The following ZNF804B variants were observed in gnomAD, a reference collection of about 807,000 sequenced individuals.
ZNF804B encodes the protein zinc finger protein 804B.
A neutral mutation model predicts 101.4 loss-of-function variants in ZNF804B; 80 were observed. That is an observed-to-expected ratio of 0.79 (90% CI 0.66 to 0.95). The LOEUF is 0.95. Among genes scored for constraint, ZNF804B ranks in the 40% least tolerant of loss-of-function variants. ZNF804B has a pLI of 0.00. For missense variants in ZNF804B, 1,673 were observed against 1,561.9 expected, an observed-to-expected ratio of 1.07 and a Z score of -1.20; for synonymous variants, 622 against 558.8, an observed-to-expected ratio of 1.11 and a Z score of -1.59.
intron 1 of ZNF804B, among the ~76,000 whole-genome samples, chr7:88,811,748 C>T (rs1429332273): frequency 6.6e-6 from 1 of 152,158 alleles, no homozygotes; most frequent in African/African-American, 2.4e-5. Context: ...CGTATGCTCT[C>T]ATTCATAAGT....
At chr7:89,090,810 A>G (rs1789873391) in intron 1 of ZNF804B, among the ~76,000 whole-genome samples, 1 of 152,102 alleles carries the variant, frequency 6.6e-6, no homozygotes. Context: ...ATACAGGCAC[A>G]TGTATGCAAG....
intron 1 of ZNF804B, among the ~76,000 whole-genome samples, chr7:88,989,465 C>T (rs577767521): frequency 6.6e-4 from 100 of 152,240 alleles, no homozygotes; most frequent in Non-Finnish European, 1.3e-3. Flanking sequence ...CTATACCATT[C>T]TTCTAAAGCT....
At chr7:89,023,638 A>G (rs939643675) in intron 1 of ZNF804B, among the ~76,000 whole-genome samples, 2 of 152,176 alleles carry the variant, frequency 1.3e-5, no homozygotes, top group Non-Finnish European at 2.9e-5. Context: ...ATATCACTAG[A>G]TAAAGAAAAA....
At chr7:88,990,537 A>C (rs1339859821) in intron 1 of ZNF804B, among the ~76,000 whole-genome samples, 5 of 152,048 alleles carry the variant, frequency 3.3e-5, no homozygotes, top group Non-Finnish European at 7.4e-5. Flanking sequence ...AGATCAAATA[A>C]ATTTCTAAAG....
At chr7:88,894,007 C>T (rs1025956447) in intron 1 of ZNF804B, among the ~76,000 whole-genome samples, 1 of 151,840 alleles carries the variant, frequency 6.6e-6, no homozygotes, top group African/African-American at 2.4e-5. Flanking sequence ...AGTCTATTCT[C>T]CAAAATATTA....
At chr7:89,270,987 A>G (rs904449151) in intron 2 of ZNF804B, among the ~76,000 whole-genome samples, 1 of 152,164 alleles carries the variant, frequency 6.6e-6, no homozygotes, top group Admixed American at 6.5e-5. Flanking sequence ...GGGGTTTTCT[A>G]GATATACAAT....
chr7:88,891,022 AT>A (rs1452502094), intron 1 of ZNF804B, among the ~76,000 whole-genome samples: 1 of 152,040 alleles, frequency 6.6e-6, no homozygotes, highest in Non-Finnish European at 1.5e-5. Flanking sequence ...CCTCAATAGA[AT>A]ATAGGCTTTT....
intron 1 of ZNF804B, among the ~76,000 whole-genome samples, chr7:89,215,917 A>AAATG (rs1554379505): frequency 6.6e-6 from 1 of 150,900 alleles, no homozygotes; most frequent in Non-Finnish European, 1.5e-5. Context: ...ATAAATAAAT[A>AAATG]AATAAATAAA....
chr7:89,228,111 C>A (rs1277403193), intron 2 of ZNF804B, among the ~76,000 whole-genome samples: 2 of 151,932 alleles, frequency 1.3e-5, no homozygotes, highest in African/African-American at 4.8e-5. Flanking sequence ...GGAGTTTGTT[C>A]CTTCTGATGT....
chr7:88,760,331 G>A (rs1344950802), intron 1 of ZNF804B, among the ~76,000 whole-genome samples: 2 of 152,212 alleles, frequency 1.3e-5, no homozygotes, highest in Non-Finnish European at 2.9e-5. Context: ...TGCTACGGAT[G>A]TAAATACTTA....
rs115013227 is a variant in ZNF804B, at chr7:88,811,395, C to T, written c.108+51311C>T. ...GATACGAACACTTTTACACTGTTGGCGGGCATGTAAATTAGTTCAGCTATT... is the reference window on the plus strand; with the variant it reads ...GATACGAACACTTTTACACTGTTGGTGGGCATGTAAATTAGTTCAGCTATT... On this transcript the variant is annotated intron_variant, in intron 1 of 3. Transcript: ENST00000333190. Among the ~76,000 whole-genome samples, 469 of 152,234 alleles carry T rather than the reference C, an allele frequency of 3.1e-3. 5 individuals are homozygous for T. Among genetic ancestry groups the T allele is most frequent in the African/African-American group, 0.011 (452 of 41,540 alleles).
At chr7:89,186,579 T>C (rs1216079621) in intron 1 of ZNF804B, among the ~76,000 whole-genome samples, 1 of 151,484 alleles carries the variant, frequency 6.6e-6, no homozygotes, top group African/African-American at 2.4e-5. Context: ...AGATTTTATT[T>C]TCCCCTGTAT....
chr7:88,995,231 G>T (rs552891330), intron 1 of ZNF804B, among the ~76,000 whole-genome samples: 8 of 152,040 alleles, frequency 5.3e-5, no homozygotes, highest in African/African-American at 1.9e-4. Context: ...AAATAGATAG[G>T]TCAAGGATGA....
At chr7:89,262,030 C>T (rs1272546488) in intron 2 of ZNF804B, among the ~76,000 whole-genome samples, 6 of 152,122 alleles carry the variant, frequency 3.9e-5, no homozygotes, top group East Asian at 3.9e-4. Context: ...CTAGAACTTA[C>T]GTACTCTACC....
intron 1 of ZNF804B, among the ~76,000 whole-genome samples, chr7:89,032,282 T>C (rs1034664363): frequency 3.3e-5 from 5 of 151,256 alleles, no homozygotes; most frequent in Admixed American, 2.0e-4. Flanking sequence ...GAAAACTCTT[T>C]ATAATACATT....
At chr7:88,881,704 T>A (rs577261137) in intron 1 of ZNF804B, among the ~76,000 whole-genome samples, 1 of 152,300 alleles carries the variant, frequency 6.6e-6, no homozygotes, top group South Asian at 2.1e-4. Flanking sequence ...AACTTGTTTC[T>A]TTTTCTAAAA....
At position 88,990,577 on chromosome 7, in the gene ZNF804B, A is replaced by G. The variant is rs1416073666; in HGVS notation, c.109-227578A>G. The stretch of plus-strand genomic sequence containing the variant: ...GGTTCCTCTGACGTTAATGTTCAAA[A>G]CATTTTCACCACTCTACCATATTGT... On this transcript the variant is annotated intron_variant, in intron 1 of 3. Coordinates refer to ENST00000333190, the MANE Select transcript of ZNF804B (RefSeq NM_181646.5). 6.6e-5 allele frequency among the ~76,000 whole-genome samples: 10 copies of G among 152,110 alleles called. 1 individual carries two copies. The highest frequency in any genetic ancestry group is 1.5e-4 in the Non-Finnish European group (10 of 67,978).
chr7:89,080,372 G>A (rs1252335875), intron 1 of ZNF804B, among the ~76,000 whole-genome samples: 2 of 151,716 alleles, frequency 1.3e-5, no homozygotes, highest in Non-Finnish European at 2.9e-5. Context: ...TAAATAAATG[G>A]TAGTTATTAT....
At chr7:88,879,571 G>A (rs1792001546) in intron 1 of ZNF804B, among the ~76,000 whole-genome samples, 1 of 152,142 alleles carries the variant, frequency 6.6e-6, no homozygotes, top group Non-Finnish European at 1.5e-5. Flanking sequence ...TCTAAAGGAA[G>A]TCAGTGTACA....
Sources: gnomAD v4.1 joint callset for allele counts (sites outside exome capture counted in the v4.1 genomes callset) on GRCh38, gnomAD v4.1.1 for gene constraint, MANE v1.5 for transcripts, NCBI Gene and HGNC (gene_info 2026-07-23, HGNC 2026-07-21) for gene names.